Variants in ATP6V1A observed in about 807,000 individuals in gnomAD.
The protein encoded by ATP6V1A is V-type proton ATPase catalytic subunit A.
A neutral mutation model predicts 70.1 loss-of-function variants in ATP6V1A; 18 were observed. The ratio of observed to expected loss-of-function variants is 0.26; its 90% CI spans 0.18 to 0.38. The LOEUF (loss-of-function observed/expected upper bound fraction) is 0.38, where lower values mean the gene tolerates loss of function less well. Ranked by LOEUF, ATP6V1A falls within the 10% of genes least tolerant of loss-of-function variation. The pLI is 1.00. For missense variants in ATP6V1A, 424 were observed against 772.4 expected (o/e 0.55, Z 5.35); for synonymous variants, 232 against 253.8 (o/e 0.91, Z 0.82).
In ATP6V1A at chr3:113,786,285, G is replaced by C. The variant is rs373490553; in HGVS notation, c.618G>C (p.Val206=). The part of the protein sequence containing the change: ...FEGVKEKFTM[V]QVWPVRQVRP... ...GTGTAAAGGAGAAGTTCACCATGGT[G>C]CAAGTATGGCCTGTACGTCAAGTTC... The change falls in exon 6 of 15, where the codon GTG becomes GTC. Residue 206 remains valine, a synonymous_variant. Transcript: ENST00000273398. The C allele has an allele frequency of 1.2e-6, 2 of 1,612,158 alleles. No individual in the cohort carries two copies. Among genetic ancestry groups the C allele is most frequent in the South Asian group, 1.1e-5 (1 of 90,848 alleles).
chr3:113,803,545 T>A, intron 12 of ATP6V1A, 38 bp from the exon 13 acceptor site: 1 of 1,465,296 alleles, frequency 6.8e-7, no homozygotes, highest in Non-Finnish European at 9.5e-7. Context: ...ATCTTACATT[T>A]TAGAGTAAAT....
At chr3:113,781,489 G>T (rs1708977864) in intron 3 of ATP6V1A, among the ~76,000 whole-genome samples, 1 of 152,084 alleles carries the variant, frequency 6.6e-6, no homozygotes, top group Non-Finnish European at 1.5e-5. Context: ...CTGCACTCCA[G>T]CCTGGGCAAC....
chr3:113,760,891 A>G (rs1409533145), intron 1 of ATP6V1A, among the ~76,000 whole-genome samples: 4 of 150,920 alleles, frequency 2.7e-5, no homozygotes, highest in African/African-American at 9.8e-5. Flanking sequence ...ATATGGTGAA[A>G]CTCTGTCTCT....
chr3:113,795,530 C>T (rs1193896242), intron 10 of ATP6V1A, among the ~76,000 whole-genome samples: 3 of 151,694 alleles, frequency 2.0e-5, no homozygotes, highest in South Asian at 2.1e-4. Context: ...AGTGAAGATT[C>T]GTGATCACTA....
At chr3:113,772,578 AT>A (rs1708855482) in intron 1 of ATP6V1A, among the ~76,000 whole-genome samples, 1 of 151,996 alleles carries the variant, frequency 6.6e-6, no homozygotes, top group South Asian at 2.1e-4. Context: ...ATACAAAAAA[AT>A]TAGCCGGGCG....
At chr3:113,766,296 T>C (rs28394480) in intron 1 of ATP6V1A, among the ~76,000 whole-genome samples, 49,776 of 150,534 alleles carry the variant, frequency 0.33, 8,247 homozygotes, top group East Asian at 0.36. Context: ...CTCTCTCTCT[T>C]TCTTTTTTTC....
chr3:113,778,641 C>T, intron 1 of ATP6V1A, 100 bp from the exon 2 acceptor site: 1 of 557,166 alleles, frequency 1.8e-6, no homozygotes, highest in Non-Finnish European at 3.0e-6. Flanking sequence ...AAGAATACAC[C>T]AAAGATGAGA....
At chr3:113,751,012 A>G (rs1708579894) in intron 1 of ATP6V1A, among the ~76,000 whole-genome samples, 1 of 152,196 alleles carries the variant, frequency 6.6e-6, no homozygotes, top group Non-Finnish European at 1.5e-5. Flanking sequence ...TATTTTCTAT[A>G]TAAAGATTTT....
intron 1 of ATP6V1A, among the ~76,000 whole-genome samples, chr3:113,752,246 T>C (rs1197965409): frequency 1.3e-5 from 2 of 151,880 alleles, no homozygotes; most frequent in African/African-American, 4.8e-5. Flanking sequence ...AACCAGACTT[T>C]ATAAGTTTTT....
Position 113,794,861 on chromosome 3 carries a change from T to C in ATP6V1A, c.989-11T>C. The stretch of plus-strand genomic sequence containing the variant: ...GCATTGTAACTTATAATAATATTCT[T>C]CCCAATTTAGGAATCACACTGTCAG... On this transcript the variant is annotated splice_polypyrimidine_tract_variant and intron_variant, in intron 8 of 14. Transcript: ENST00000273398. 1 of 1,595,716 alleles carries C rather than the reference T, an allele frequency of 6.3e-7. No individual in the cohort carries two copies. Among genetic ancestry groups the C allele is most frequent in the Non-Finnish European group, 8.5e-7 (1 of 1,175,226 alleles).
At chr3:113,789,642 G>T (rs1362371844) in intron 7 of ATP6V1A, 90 bp from the exon 8 acceptor site, 5 of 921,554 alleles carry the variant, frequency 5.4e-6, no homozygotes, top group Non-Finnish European at 6.6e-6. Context: ...ATTAAATATG[G>T]GCAAAAGTTT....
intron 8 of ATP6V1A, among the ~76,000 whole-genome samples, chr3:113,791,225 T>C (rs1709088691): frequency 6.6e-6 from 1 of 152,298 alleles, no homozygotes; most frequent in South Asian, 2.1e-4. Flanking sequence ...CTACTCCTTT[T>C]TATTTAGCCT....
At chr3:113,809,007 T>G (rs1577098798) in intron 14 of ATP6V1A, among the ~76,000 whole-genome samples, 1 of 152,092 alleles carries the variant, frequency 6.6e-6, no homozygotes, top group Non-Finnish European at 1.5e-5. Flanking sequence ...CCCAGCACTT[T>G]GGGAGGCCGA....
chr3:113,753,693 CTTT>C (rs11375661), intron 1 of ATP6V1A, among the ~76,000 whole-genome samples: 4 of 141,090 alleles, frequency 2.8e-5, no homozygotes, highest in Non-Finnish European at 6.2e-5. Context: ...TATCATGTGT[CTTT>C]TTTTTTTTTT....
At chr3:113,752,240 A>G (rs1214561635) in intron 1 of ATP6V1A, among the ~76,000 whole-genome samples, 2 of 152,066 alleles carry the variant, frequency 1.3e-5, no homozygotes, top group East Asian at 1.9e-4. Flanking sequence ...AAAAGCAACC[A>G]GACTTTATAA....
intron 1 of ATP6V1A, among the ~76,000 whole-genome samples, chr3:113,776,871 T>G (rs1270852007): frequency 1.3e-5 from 2 of 152,246 alleles, no homozygotes; most frequent in African/African-American, 4.8e-5. Flanking sequence ...ATTCTTTTGT[T>G]ATTGGCACCC....
intron 3 of ATP6V1A, among the ~76,000 whole-genome samples, chr3:113,781,382 T>C (rs1053890979): frequency 1.3e-5 from 2 of 152,148 alleles, no homozygotes; most frequent in African/African-American, 4.8e-5. Flanking sequence ...CTGGGTATAG[T>C]GGCAGGCGCC....
At chr3:113,791,308 T>A (rs1709089240) in intron 8 of ATP6V1A, among the ~76,000 whole-genome samples, 2 of 152,118 alleles carry the variant, frequency 1.3e-5, no homozygotes, top group Non-Finnish European at 2.9e-5. Flanking sequence ...TCTATTTCTT[T>A]TTGTTCTTTC....
chr3:113,809,461 C>T lies in ATP6V1A; in HGVS notation c.*34C>T. On this transcript the variant is annotated 3_prime_UTR_variant, in exon 15 of 15. Coordinates refer to ENST00000273398, the MANE Select transcript of ATP6V1A (RefSeq NM_001690.4). The stretch of plus-strand genomic sequence containing the variant: ...AAGATTACAACTGTGATTTCCTTTT[C>T]CTCAGCAAGCTCCTATGTGTATATT... 1 of 1,569,280 alleles carries T rather than the reference C, an allele frequency of 6.4e-7. No individual in the cohort carries two copies. Among genetic ancestry groups the T allele is most frequent in the Non-Finnish European group, 8.8e-7 (1 of 1,142,772 alleles).
Sources: gnomAD v4.1 joint callset for allele counts (sites outside exome capture counted in the v4.1 genomes callset) on GRCh38, gnomAD v4.1.1 for gene constraint, MANE v1.5 for transcripts, NCBI Gene and HGNC (gene_info 2026-07-23, HGNC 2026-07-21) for gene names.